CIP2A: variants seen among roughly 807,000 people sequenced by gnomAD.
CIP2A encodes protein CIP2A.
A neutral mutation model predicts 110.9 loss-of-function variants in CIP2A; 103 were observed. The observed-to-expected ratio is 0.93, with a 90% CI of 0.79 to 1.09. The LOEUF (loss-of-function observed/expected upper bound fraction) is 1.09, where lower values mean the gene tolerates loss of function less well. Ranked by LOEUF, CIP2A falls within the 50% of genes least tolerant of loss-of-function variation. The pLI is 0.00. For missense variants in CIP2A, 1,088 were observed against 1,038.4 expected, an observed-to-expected ratio of 1.05 and a Z score of -0.66; for synonymous variants, 381 against 361.6, an observed-to-expected ratio of 1.05 and a Z score of -0.61.
At chr3:108,564,856 T>C (rs1028744587) in intron 12 of CIP2A, among the ~76,000 whole-genome samples, 2 of 151,988 alleles carry the variant, frequency 1.3e-5, no homozygotes, top group Admixed American at 6.6e-5. Context: ...TTGTTGTACT[T>C]TGCCTTTTGA....
intron 2 of CIP2A, 59 bp downstream of exon 2, chr3:108,585,006 C>A: frequency 6.7e-7 from 1 of 1,490,692 alleles, no homozygotes; most frequent in South Asian, 1.2e-5. Flanking sequence ...TAAGCCTGCA[C>A]TTTAAAATAT....
rs1356947108 is a variant in CIP2A at position 108,588,205 on chromosome 3, C to T, written c.102+1069G>A. On this transcript the variant is annotated intron_variant, in intron 1 of 20. Coordinates refer to ENST00000295746, the MANE Select transcript of CIP2A (RefSeq NM_020890.3). ...CTGCTTATTCTGCGGCTTCTGGAGC[C>T]TATGCTAATTCAGAAGCAAAGCCTT... Among the ~76,000 whole-genome samples the T allele has an allele frequency of 3.3e-5, 5 of 152,274 alleles. No individual in the cohort carries two copies. In the East Asian group the frequency reaches 9.7e-4, roughly 29 times the overall value.
chr3:108,563,333 T>A, intron 12 of CIP2A, 89 bp from the exon 13 acceptor site: 1 of 768,148 alleles, frequency 1.3e-6, no homozygotes, highest in South Asian at 1.6e-5. Context: ...TATATGTAAA[T>A]CTTAATTCTA....
At chr3:108,554,257 A>T (rs1335468707) in intron 18 of CIP2A, 119 bp downstream of exon 18, 2 of 551,168 alleles carry the variant, frequency 3.6e-6, no homozygotes, top group Non-Finnish European at 6.4e-6. Context: ...CATATCTTAT[A>T]TCTAAAATAA....
chr3:108,575,266 G>A (rs1170555878), intron 8 of CIP2A, among the ~76,000 whole-genome samples: 1 of 151,246 alleles, frequency 6.6e-6, no homozygotes, highest in African/African-American at 2.4e-5. Flanking sequence ...ATGTACATGT[G>A]TATATACACA....
intron 16 of CIP2A, among the ~76,000 whole-genome samples, chr3:108,557,958 T>C (rs1937866800): frequency 6.6e-6 from 1 of 152,146 alleles, no homozygotes; most frequent in African/African-American, 2.4e-5. Context: ...CCCCAGCCCT[T>C]TGGATTTTAT....
At chr3:108,583,254 T>C (rs1938942750) in intron 2 of CIP2A, among the ~76,000 whole-genome samples, 171 bp from the exon 3 acceptor site, 1 of 152,234 alleles carries the variant, frequency 6.6e-6, no homozygotes, top group South Asian at 2.1e-4. Flanking sequence ...GATTTCTCTA[T>C]GTAAAATAAA....
chr3:108,587,976 G>A (rs185812587), intron 1 of CIP2A, among the ~76,000 whole-genome samples: 1 of 152,042 alleles, frequency 6.6e-6, no homozygotes, highest in East Asian at 1.9e-4. Flanking sequence ...ACGGGGTTTC[G>A]CATGTTGGTC....
intron 16 of CIP2A, among the ~76,000 whole-genome samples, chr3:108,557,998 TTC>T (rs1937869605): frequency 6.6e-6 from 1 of 152,152 alleles, no homozygotes; most frequent in African/African-American, 2.4e-5. Flanking sequence ...CCCTAAGCCT[TTC>T]TCTGTTTTTA....
In CIP2A at chr3:108,583,063, C is replaced by T; in HGVS notation, c.271G>A (p.Asp91Asn). 1 of 1,597,668 alleles carries T rather than the reference C, an allele frequency of 6.3e-7. No individual in the cohort carries two copies. The highest frequency in any genetic ancestry group is 8.5e-7 in the Non-Finnish European group (1 of 1,171,488). Residue 91 changes from aspartate (D) to asparagine (N), a missense_variant, in exon 3 of 21, where the codon GAT (aspartate) becomes AAT (asparagine). Transcript: ENST00000295746. The stretch of plus-strand genomic sequence containing the variant: ...AGATTATATGTATTCTGAAGACAAT[C>T]TCTGGTTTCAATGTCTACTGCTATA... ...SQLAVDIETRDCLQNTYNLNS... is the reference protein window; with the variant it reads ...SQLAVDIETRNCLQNTYNLNS...
chr3:108,567,703 G>A (rs901528985), intron 10 of CIP2A, among the ~76,000 whole-genome samples: 2 of 151,718 alleles, frequency 1.3e-5, no homozygotes, highest in African/African-American at 4.8e-5. Flanking sequence ...AAAACATAAG[G>A]TAAAACAACT....
Position 108,553,639 on chromosome 3 carries a change from G to A in CIP2A, c.2407+9C>T, listed in dbSNP as rs767267426. 6.4e-7 allele frequency: 1 copy of A among 1,552,154 alleles called. No homozygotes were observed. Among genetic ancestry groups the A allele is most frequent in the South Asian group, 1.2e-5 (1 of 86,312 alleles). On this transcript the variant is annotated intron_variant, in intron 19 of 20. Coordinates refer to ENST00000295746, the MANE Select transcript of CIP2A (RefSeq NM_020890.3). ...AAATAGAAAATGTATTAAATAAGAA[G>A]CCACTTACTTGCTAGCTTATGTTCT...
chr3:108,553,516 A>G, intron 19 of CIP2A, 132 bp downstream of exon 19: 1 of 766,326 alleles, frequency 1.3e-6, no homozygotes, highest in South Asian at 1.8e-5. Flanking sequence ...ATGTCAAGAA[A>G]AGGGAAGCCA....
At chr3:108,584,800 A>T (rs536927782) in intron 2 of CIP2A, 18 of 298,794 alleles carry the variant, frequency 6.0e-5, no homozygotes, top group Non-Finnish European at 1.0e-4. Flanking sequence ...AACATTTAAG[A>T]ACTAAAGAAA....
At chr3:108,569,706 A>G in intron 8 of CIP2A, 99 bp from the exon 9 acceptor site, 1 of 879,298 alleles carries the variant, frequency 1.1e-6, no homozygotes, top group Non-Finnish European at 1.8e-6. Flanking sequence ...ATTTTAAAGA[A>G]AATATTCTAA....
rs530246601 is a variant in CIP2A at position 108,587,445 on chromosome 3, C to A, written c.102+1829G>T. 4.6e-5 allele frequency among the ~76,000 whole-genome samples: 7 copies of A among 152,258 alleles called. No individual in the cohort carries two copies. The South Asian group carries it at 1.5e-3, about 32-fold the overall frequency. On this transcript the variant is annotated intron_variant, in intron 1 of 20. Coordinates refer to ENST00000295746, the MANE Select transcript of CIP2A (RefSeq NM_020890.3). ...AGTACATATTGTATGAGTCTACTTA[C>A]CCAAACCTTATGTGAAGAGGCAATG...
At chr3:108,588,273 ACTT>A (rs1386168957) in intron 1 of CIP2A, among the ~76,000 whole-genome samples, 1 of 152,216 alleles carries the variant, frequency 6.6e-6, no homozygotes. Context: ...GTTTGCAGGC[ACTT>A]CTTAAAATAA....
rs372910956 is a variant in CIP2A at position 108,581,119 on chromosome 3, T to A, written c.549+296A>T. ...CCTCCCTTCTAAGAGCACAAAATAA[T>A]TTAGTAATTCTTGTACTACTCAATG... On this transcript the variant is annotated intron_variant, in intron 5 of 20. Transcript: ENST00000295746. 4.6e-5 allele frequency among the ~76,000 whole-genome samples: 7 copies of A among 152,298 alleles called. No homozygotes were observed. In the East Asian group the frequency reaches 1.2e-3, roughly 25 times the overall value.
At chr3:108,577,607 T>A (rs1302676122) in intron 7 of CIP2A, among the ~76,000 whole-genome samples, 3 of 152,008 alleles carry the variant, frequency 2.0e-5, no homozygotes, top group Non-Finnish European at 4.4e-5. Flanking sequence ...AAACAAAAAA[T>A]TTCAAAGACC....
Sources: gnomAD v4.1 joint callset for allele counts (sites outside exome capture counted in the v4.1 genomes callset) on GRCh38, gnomAD v4.1.1 for gene constraint, MANE v1.5 for transcripts, NCBI Gene and HGNC (gene_info 2026-07-23, HGNC 2026-07-21) for gene names.